FSTL4: variants seen among roughly 807,000 people sequenced by gnomAD.
FSTL4 encodes follistatin like 4, also known as follistatin-related protein 4.
In FSTL4, 28 loss-of-function variants were observed where a neutral mutation model predicts 78.2. That is an observed-to-expected ratio of 0.36 (90% CI 0.27 to 0.49). FSTL4 has a LOEUF of 0.49. FSTL4 is among the 20% of genes least tolerant of loss of function. FSTL4 has a pLI of 0.98. For missense variants in FSTL4, 922 were observed against 1,084.9 expected, an observed-to-expected ratio of 0.85 and a Z score of 2.11; for synonymous variants, 422 against 440.5, an observed-to-expected ratio of 0.96 and a Z score of 0.53.
intron 3 of FSTL4, among the ~76,000 whole-genome samples, chr5:133,517,608 TTGTGTGTG>T (rs34680612): frequency 7.2e-6 from 1 of 139,438 alleles, no homozygotes; most frequent in African/African-American, 2.7e-5. Flanking sequence ...ATAGAACTAA[TTGTGTGTG>T]TGTGTGTGTG....
intron 4 of FSTL4, chr5:133,334,144 A>G (rs1371648956): frequency 6.6e-6 from 1 of 152,230 alleles, no homozygotes; most frequent in East Asian, 1.9e-4. Context: ...TTCCAAACTG[A>G]TATTGCAGCC....
intron 4 of FSTL4, among the ~76,000 whole-genome samples, chr5:133,374,455 T>G (rs1290336724): frequency 6.6e-6 from 1 of 152,120 alleles, no homozygotes; most frequent in Non-Finnish European, 1.5e-5. Context: ...TTTAATATTA[T>G]CTCTTCTAGA....
chr5:133,487,177 G>C lies in FSTL4; in HGVS notation c.160+80009C>G, dbSNP rs367779729. Among the ~76,000 whole-genome samples the C allele has an allele frequency of 3.9e-5, 6 of 152,256 alleles. No individual in the cohort carries two copies. The South Asian group carries it at 1.2e-3, about 32-fold the overall frequency. Reference sequence around the variant, plus strand: ...CTCTGATGTAGGCATTTTCCTCTCTGAGCACGTGGAAGGCCTGACACAGAG... The same window carrying C: ...CTCTGATGTAGGCATTTTCCTCTCTCAGCACGTGGAAGGCCTGACACAGAG... On this transcript the variant is annotated intron_variant, in intron 3 of 15. Transcript: ENST00000265342.
At chr5:133,288,123 A>C (rs1311707887) in intron 6 of FSTL4, among the ~76,000 whole-genome samples, 1 of 152,266 alleles carries the variant, frequency 6.6e-6, no homozygotes, top group East Asian at 1.9e-4. Flanking sequence ...GCACAAAGTA[A>C]TGCCTCAGTA....
At chr5:133,539,746 G>C (rs1357798242) in intron 3 of FSTL4, among the ~76,000 whole-genome samples, 2 of 152,066 alleles carry the variant, frequency 1.3e-5, no homozygotes, top group African/African-American at 4.8e-5. Flanking sequence ...CCTTCTTGTA[G>C]AAGTTAGGAC....
the FSTL4 span, among the ~76,000 whole-genome samples, chr5:133,707,044 A>G: frequency 7.0e-3 from 1,059 of 152,320 alleles, 2 homozygotes; most frequent in Middle Eastern, 0.02. Context: ...CTAAGCATCC[A>G]TGAGAATCTA....
chr5:133,381,857 G>T (rs1459936566), intron 4 of FSTL4, among the ~76,000 whole-genome samples: 1 of 152,214 alleles, frequency 6.6e-6, no homozygotes, highest in Non-Finnish European at 1.5e-5. Context: ...AGTTAAACAC[G>T]CTGGCCGGGA....
chr5:133,240,694 C>T (rs1751841560), intron 7 of FSTL4, among the ~76,000 whole-genome samples: 1 of 152,210 alleles, frequency 6.6e-6, no homozygotes, highest in South Asian at 2.1e-4. Flanking sequence ...TCGCGCATGA[C>T]TCATCTCTTT....
intron 4 of FSTL4, among the ~76,000 whole-genome samples, chr5:133,329,110 T>C (rs1301579288): frequency 6.6e-6 from 1 of 152,166 alleles, no homozygotes; most frequent in Non-Finnish European, 1.5e-5. Context: ...CTGAGGCTGA[T>C]GGGTCAGGCA....
intron 3 of FSTL4, among the ~76,000 whole-genome samples, chr5:133,467,110 G>T (rs1282015883): frequency 6.6e-6 from 1 of 151,806 alleles, no homozygotes; most frequent in Non-Finnish European, 1.5e-5. Flanking sequence ...GTGTATATAT[G>T]TCTGAATATG....
At chr5:133,804,922 G>A in the FSTL4 span, among the ~76,000 whole-genome samples, 7 of 119,680 alleles carry the variant, frequency 5.8e-5, no homozygotes, top group African/African-American at 9.9e-5. Context: ...CAGCCTGGGC[G>A]ACAGAGTGAG....
intron 4 of FSTL4, among the ~76,000 whole-genome samples, chr5:133,330,225 A>G (rs1754311352): frequency 6.6e-6 from 1 of 152,130 alleles, no homozygotes; most frequent in Non-Finnish European, 1.5e-5. Flanking sequence ...TCTCCTTTTT[A>G]TCACATTGTA....
intron 8 of FSTL4, among the ~76,000 whole-genome samples, chr5:133,228,362 A>C (rs2126798034): frequency 6.6e-6 from 1 of 152,378 alleles, no homozygotes; most frequent in African/African-American, 2.4e-5. Context: ...CAATTCCTTC[A>C]TTCATTTAAG....
chr5:133,606,761 T>C (rs1278862043), intron 1 of FSTL4, among the ~76,000 whole-genome samples: 2 of 152,234 alleles, frequency 1.3e-5, no homozygotes, highest in Non-Finnish European at 2.9e-5. Flanking sequence ...TGTCAACTCT[T>C]GGAGTTATGA....
chr5:133,497,872 G>C (rs1758402314), intron 3 of FSTL4, among the ~76,000 whole-genome samples: 1 of 152,164 alleles, frequency 6.6e-6, no homozygotes, highest in African/African-American at 2.4e-5. Context: ...TTTACAGAAA[G>C]GAAATTCGCA....
chr5:133,415,658 T>C (rs989503596), intron 3 of FSTL4, among the ~76,000 whole-genome samples: 11 of 152,038 alleles, frequency 7.2e-5, no homozygotes, highest in African/African-American at 1.7e-4. Flanking sequence ...GAGGGTGGCT[T>C]TGTCGGTCTC....
At chr5:133,813,744 A>G in the FSTL4 span, among the ~76,000 whole-genome samples, 1 of 152,226 alleles carries the variant, frequency 6.6e-6, no homozygotes, top group African/African-American at 2.4e-5. Flanking sequence ...GCCAAAAAAC[A>G]GAAGCAGTGT....
intron 6 of FSTL4, 145 bp downstream of exon 6, chr5:133,312,509 T>C: frequency 1.4e-6 from 1 of 696,710 alleles, no homozygotes; most frequent in Non-Finnish European, 2.5e-6. Context: ...AAGCTCAGGC[T>C]TGTTGCAGAA....
chr5:133,679,440 A>C, the FSTL4 span, among the ~76,000 whole-genome samples: 632 of 152,184 alleles, frequency 4.2e-3, 3 homozygotes, highest in African/African-American at 0.014. Context: ...CACAGTGGGG[A>C]TCGTGCTCCC....
Sources: gnomAD v4.1 joint callset for allele counts (sites outside exome capture counted in the v4.1 genomes callset) on GRCh38, gnomAD v4.1.1 for gene constraint, MANE v1.5 for transcripts, NCBI Gene and HGNC (gene_info 2026-07-23, HGNC 2026-07-21) for gene names.